The following CDH2 variants were observed in gnomAD, a reference collection of about 807,000 sequenced individuals.
CDH2 encodes cadherin 2, also known as cadherin-2.
CDH2 carries 17 observed loss-of-function variants against 92.0 expected under a neutral mutation model. The ratio of observed to expected loss-of-function variants is 0.18; its 90% CI spans 0.13 to 0.28. The LOEUF is 0.28. Among genes scored for constraint, CDH2 ranks in the 10% least tolerant of loss-of-function variants. The probability of loss-of-function intolerance (pLI) is 1.00; values close to 1 mark genes in which losing one functional copy is unlikely to be tolerated. For synonymous variants in CDH2, 419 were observed against 415.9 expected (o/e 1.01, Z -0.09); for missense variants, 862 against 1,133.1 (o/e 0.76, Z 3.44).
chr18:27,982,864 T>C (rs568535017), intron 14 of CDH2, 80 bp downstream of exon 14: 4 of 843,208 alleles, frequency 4.7e-6, no homozygotes, highest in Admixed American at 2.8e-5. Flanking sequence ...TACCATTTTC[T>C]TACTGATGTA....
chr18:28,000,062 T>C (rs1185777333), intron 7 of CDH2, among the ~76,000 whole-genome samples: 2 of 152,112 alleles, frequency 1.3e-5, no homozygotes, highest in African/African-American at 4.8e-5. Flanking sequence ...ATTAAACCTC[T>C]TTTCTTTATA....
intron 2 of CDH2, chr18:28,036,640 T>A: frequency 1.1e-6 from 1 of 876,174 alleles, no homozygotes. Context: ...AAAGTTCTTT[T>A]GAGCTGACGG....
chr18:28,019,629 T>C (rs577367398), intron 2 of CDH2, among the ~76,000 whole-genome samples: 1 of 152,138 alleles, frequency 6.6e-6, no homozygotes, highest in African/African-American at 2.4e-5. Flanking sequence ...GAGAAAACAC[T>C]TTAGAAGAAA....
chr18:28,161,281 C>G (rs116486431), intron 1 of CDH2, among the ~76,000 whole-genome samples: 1 of 151,942 alleles, frequency 6.6e-6, no homozygotes, highest in African/African-American at 2.4e-5. Flanking sequence ...TTTGGGAACT[C>G]TTTAAAAAGT....
chr18:28,005,614 TA>T (rs1432899339), intron 6 of CDH2, among the ~76,000 whole-genome samples: 1 of 152,180 alleles, frequency 6.6e-6, no homozygotes, highest in Non-Finnish European at 1.5e-5. Context: ...CTGTAGTGCA[TA>T]TTTTTTCAAA....
At position 27,952,072 on chromosome 18, in the gene CDH2, A is replaced by T; in HGVS notation, c.*81T>A. 7.9e-7 allele frequency: 1 copy of T among 1,267,886 alleles called. No homozygotes were observed. The highest frequency in any genetic ancestry group is 1.5e-5 in the African/African-American group (1 of 68,272). 78.5% of individuals were successfully genotyped at this position (1,267,886 alleles called of 1,614,324 possible). On this transcript the variant is annotated 3_prime_UTR_variant, in exon 16 of 16. Coordinates refer to ENST00000269141, the MANE Select transcript of CDH2 (RefSeq NM_001792.5). ...CACTGTGCTAGTAGACTACAAAGTT[A>T]AAGCCTAGCTTCTGAATGCTTTTTG...
At chr18:28,160,599 G>T (rs747355974) in intron 1 of CDH2, among the ~76,000 whole-genome samples, 1 of 152,120 alleles carries the variant, frequency 6.6e-6, no homozygotes, top group Non-Finnish European at 1.5e-5. Context: ...ATCTTCCCTT[G>T]AGGCAGCCGT....
chr18:27,942,053 G>A (rs983147710), intron 6 of CDH2, among the ~76,000 whole-genome samples: 2 of 152,142 alleles, frequency 1.3e-5, no homozygotes, highest in Non-Finnish European at 2.9e-5. Context: ...TTTAATAATG[G>A]TAAAAAGTTC....
intron 2 of CDH2, among the ~76,000 whole-genome samples, chr18:28,140,236 G>A (rs2015930516): frequency 6.6e-6 from 1 of 151,964 alleles, no homozygotes; most frequent in South Asian, 2.1e-4. Context: ...AAATCTTCAT[G>A]ACCTTGGATT....
chr18:28,033,981 G>A (rs931589904), intron 2 of CDH2, among the ~76,000 whole-genome samples: 4 of 151,950 alleles, frequency 2.6e-5, no homozygotes, highest in African/African-American at 9.7e-5. Flanking sequence ...ATACTCAATT[G>A]AGCCATACTC....
chr18:28,044,639 A>G (rs1388213843), intron 2 of CDH2, among the ~76,000 whole-genome samples: 1 of 152,150 alleles, frequency 6.6e-6, no homozygotes, highest in East Asian at 1.9e-4. Context: ...CTAAAACACT[A>G]TTAAAAATAA....
intron 2 of CDH2, among the ~76,000 whole-genome samples, chr18:28,110,117 G>A (rs758154297): frequency 2.0e-5 from 3 of 152,146 alleles, no homozygotes; most frequent in Admixed American, 6.5e-5. Context: ...ACTTGGTGTT[G>A]CCCATGTAAA....
intron 2 of CDH2, among the ~76,000 whole-genome samples, chr18:28,111,174 G>A (rs1296402879): frequency 6.6e-6 from 1 of 152,188 alleles, no homozygotes; most frequent in African/African-American, 2.4e-5. Flanking sequence ...TGCTGCCAGG[G>A]AAGAAAACAA....
chr18:28,085,211 G>T (rs2144198894), intron 2 of CDH2, among the ~76,000 whole-genome samples: 1 of 152,052 alleles, frequency 6.6e-6, no homozygotes, highest in East Asian at 1.9e-4. Context: ...CTTAAAAAAT[G>T]GGTCATTCCT....
At chr18:27,944,981 G>C (rs1345430421) in intron 6 of CDH2, among the ~76,000 whole-genome samples, 1 of 152,044 alleles carries the variant, frequency 6.6e-6, no homozygotes, top group African/African-American at 2.4e-5. Flanking sequence ...TATATTCTCA[G>C]ATTTTAAGTT....
chr18:28,016,704 T>C (rs1222899426), intron 2 of CDH2, among the ~76,000 whole-genome samples: 1 of 152,100 alleles, frequency 6.6e-6, no homozygotes, highest in Non-Finnish European at 1.5e-5. Context: ...TGCAAAAGAA[T>C]CTAAACTCAT....
At chr18:28,144,165 TA>T (rs113960403) in intron 2 of CDH2, among the ~76,000 whole-genome samples, 57 of 142,610 alleles carry the variant, frequency 4.0e-4, no homozygotes, top group Middle Eastern at 3.6e-3. Flanking sequence ...AAAGTAAAAT[TA>T]AAAAAAAAAA....
At chr18:28,130,637 G>T (rs576293492) in intron 2 of CDH2, among the ~76,000 whole-genome samples, 18 of 152,304 alleles carry the variant, frequency 1.2e-4, no homozygotes, top group African/African-American at 4.3e-4. Context: ...CCAGATGTGC[G>T]CATGGCTGCT....
At chr18:28,090,481 G>T in intron 2 of CDH2, among the ~76,000 whole-genome samples, 1 of 152,152 alleles carries the variant, frequency 6.6e-6, no homozygotes, top group Non-Finnish European at 1.5e-5. Context: ...CCACTGGCTA[G>T]CGAGAACACT....
Sources: gnomAD v4.1 joint callset for allele counts (sites outside exome capture counted in the v4.1 genomes callset) on GRCh38, gnomAD v4.1.1 for gene constraint, MANE v1.5 for transcripts, NCBI Gene and HGNC (gene_info 2026-07-23, HGNC 2026-07-21) for gene names.